The following PTPRD variants were observed in gnomAD, a reference collection of about 807,000 sequenced individuals.
PTPRD encodes the protein receptor-type tyrosine-protein phosphatase delta.
Under a neutral mutation model 214.5 loss-of-function variants are expected in PTPRD, and 34 were observed. The observed-to-expected ratio is 0.16, with a 90% CI of 0.12 to 0.21. The LOEUF (loss-of-function observed/expected upper bound fraction) is 0.21. Among genes scored for constraint, PTPRD ranks in the 10% least tolerant of loss-of-function variants. PTPRD has a pLI of 1.00. For synonymous variants in PTPRD, 1,128 were observed against 845.7 expected, an observed-to-expected ratio of 1.33 and a Z score of -5.79; for missense variants, 2,545 against 2,398.7, an observed-to-expected ratio of 1.06 and a Z score of -1.27.
intron 39 of PTPRD, among the ~76,000 whole-genome samples, chr9:8,353,840 GTATATATGTATATATGTGTATATA>G (rs2076201574): frequency 1.2e-4 from 6 of 51,366 alleles, no homozygotes; most frequent in Non-Finnish European, 4.0e-4. Context: ...ATGTATATAT[GTATATATGTATATATGTGTATATA>G]TGTATATATG....
At chr9:9,544,777 T>G (rs953842000) in intron 8 of PTPRD, among the ~76,000 whole-genome samples, 1 of 151,638 alleles carries the variant, frequency 6.6e-6, no homozygotes, top group African/African-American at 2.4e-5. Flanking sequence ...TTATAATAAT[T>G]TTATTTTATA....
rs1477619562 is a variant in PTPRD, at chr9:9,275,836, T to C, written c.-202-92473A>G. Among the ~76,000 whole-genome samples, 3 of 134,190 alleles carry C rather than the reference T, an allele frequency of 2.2e-5. No homozygotes were observed. In the East Asian group the frequency reaches 1.9e-3, roughly 86 times the overall value. 88.0% of individuals were successfully genotyped at this position (134,190 alleles called of 152,430 possible). On this transcript the variant is annotated intron_variant, in intron 9 of 45. Coordinates refer to ENST00000381196, the MANE Select transcript of PTPRD (RefSeq NM_002839.4). ...CGAAACAGCTGTGTGTGTGTGTATG[T>C]GTGTGTGTGTGTGTGTGTGTGTGTT...
At chr9:9,512,486 T>C (rs927583964) in intron 8 of PTPRD, among the ~76,000 whole-genome samples, 20 of 151,892 alleles carry the variant, frequency 1.3e-4, no homozygotes, top group Admixed American at 2.6e-4. Context: ...CTGACACTAT[T>C]TGTTTTAGCT....
intron 3 of PTPRD, among the ~76,000 whole-genome samples, chr9:10,105,509 T>C (rs1477663930): frequency 2.6e-5 from 4 of 151,898 alleles, no homozygotes; most frequent in African/African-American, 9.7e-5. Context: ...CTCTACTTTC[T>C]ACGAATTTCT....
At chr9:8,929,540 G>T (rs189081107) in intron 11 of PTPRD, among the ~76,000 whole-genome samples, 1 of 151,742 alleles carries the variant, frequency 6.6e-6, no homozygotes, top group African/African-American at 2.4e-5. Context: ...GTATGAAGCC[G>T]ACTTGATCGT....
At chr9:9,461,086 A>G (rs570163343) in intron 8 of PTPRD, among the ~76,000 whole-genome samples, 1 of 152,122 alleles carries the variant, frequency 6.6e-6, no homozygotes, top group Admixed American at 6.6e-5. Flanking sequence ...ATTAAACACT[A>G]TATATTCTCA....
intron 5 of PTPRD, among the ~76,000 whole-genome samples, chr9:9,888,807 T>A (rs1050645653): frequency 6.6e-6 from 1 of 152,044 alleles, no homozygotes; most frequent in African/African-American, 2.4e-5. Flanking sequence ...CTAAGACAGA[T>A]AGGGAAGACA....
intron 5 of PTPRD, among the ~76,000 whole-genome samples, chr9:9,861,268 G>GTTATT (rs917041592): frequency 1.7e-4 from 26 of 152,092 alleles, no homozygotes; most frequent in African/African-American, 6.3e-4. Context: ...GATTGAAATA[G>GTTATT]TTATTTTATT....
At chr9:10,012,924 C>T (rs926993534) in intron 4 of PTPRD, among the ~76,000 whole-genome samples, 18 of 151,688 alleles carry the variant, frequency 1.2e-4, no homozygotes, top group Non-Finnish European at 1.5e-5. Context: ...TAAATTATTA[C>T]CTGGAAATGA....
intron 3 of PTPRD, among the ~76,000 whole-genome samples, chr9:10,125,819 A>T (rs1285313158): frequency 6.6e-6 from 1 of 152,132 alleles, no homozygotes; most frequent in Non-Finnish European, 1.5e-5. Context: ...TATAAGTTAG[A>T]AACAGGAAAA....
chr9:9,934,868 C>T (rs556524291), intron 5 of PTPRD, among the ~76,000 whole-genome samples: 1 of 152,158 alleles, frequency 6.6e-6, no homozygotes, highest in South Asian at 2.1e-4. Context: ...CATCAAAAAG[C>T]TTATCAACCA....
chr9:9,662,655 C>T (rs1209656494), intron 7 of PTPRD, among the ~76,000 whole-genome samples: 3 of 151,516 alleles, frequency 2.0e-5, no homozygotes, highest in African/African-American at 7.3e-5. Context: ...GAAATGTGCT[C>T]AGTACAAAGT....
intron 11 of PTPRD, among the ~76,000 whole-genome samples, chr9:8,819,360 T>G (rs2096993213): frequency 6.6e-6 from 1 of 152,124 alleles, no homozygotes; most frequent in African/African-American, 2.4e-5. Context: ...ATTATATTTC[T>G]CTAATATAAA....
chr9:10,350,699 A>G (rs2097167035), intron 2 of PTPRD, among the ~76,000 whole-genome samples: 1 of 152,198 alleles, frequency 6.6e-6, no homozygotes. Context: ...ATATAAAAAG[A>G]TAATAAAGGC....
intron 8 of PTPRD, among the ~76,000 whole-genome samples, chr9:9,533,139 C>T (rs2075842807): frequency 6.6e-6 from 1 of 152,038 alleles, no homozygotes. Context: ...ATATTTCTTT[C>T]TCTTGATAGT....
rs569148196 is a variant in PTPRD at position 8,623,968 on chromosome 9, A to C, written c.352+9349T>G. Among the ~76,000 whole-genome samples, 8 of 152,080 alleles carry C rather than the reference A, an allele frequency of 5.3e-5. No homozygotes were observed. In the East Asian group the frequency reaches 7.8e-4, roughly 15 times the overall value. ...CTTTCAAAGTTTCAAGGATATTTGAAATTCTTCTGCTTCTTCTAAAATATA... is the reference window on the plus strand; with the variant it reads ...CTTTCAAAGTTTCAAGGATATTTGACATTCTTCTGCTTCTTCTAAAATATA... On this transcript the variant is annotated intron_variant, in intron 14 of 45. Transcript: ENST00000381196.
In PTPRD at chr9:10,315,456, T is replaced by C. The variant is rs1194811902; in HGVS notation, c.-545+25507A>G. On this transcript the variant is annotated intron_variant, in intron 3 of 45. Coordinates refer to ENST00000381196, the MANE Select transcript of PTPRD (RefSeq NM_002839.4). ...TGTCTATATGAAACTATAGGTTTCA[T>C]ATATGAAACAATTAAACAATTAGAT... Among the ~76,000 whole-genome samples the C allele has an allele frequency of 3.3e-5, 5 of 151,946 alleles. No individual in the cohort carries two copies. The East Asian group carries it at 5.8e-4, about 18-fold the overall frequency.
chr9:10,277,591 C>T (rs2094786973), intron 3 of PTPRD, among the ~76,000 whole-genome samples: 3 of 129,906 alleles, frequency 2.3e-5, no homozygotes, highest in Non-Finnish European at 3.6e-5. Flanking sequence ...TCAATAAATA[C>T]TGGCTAATGT....
At chr9:9,910,170 C>T (rs7871301) in intron 5 of PTPRD, among the ~76,000 whole-genome samples, 138,198 of 151,892 alleles carry the variant, frequency 0.91, 62,972 homozygotes, top group Admixed American at 0.95. Flanking sequence ...AAATAAGTTA[C>T]ATACAAAGTA....
Sources: gnomAD v4.1 joint callset for allele counts (sites outside exome capture counted in the v4.1 genomes callset) on GRCh38, gnomAD v4.1.1 for gene constraint, MANE v1.5 for transcripts, NCBI Gene and HGNC (gene_info 2026-07-23, HGNC 2026-07-21) for gene names.